CACNG4: variants seen among roughly 807,000 people sequenced by gnomAD.
CACNG4 encodes the protein calcium voltage-gated channel auxiliary subunit gamma 4, also known as voltage-dependent calcium channel gamma-4 subunit.
Under a neutral mutation model 22.9 loss-of-function variants are expected in CACNG4, and 8 were observed. The ratio of observed to expected loss-of-function variants is 0.35; its 90% CI spans 0.21 to 0.63. The LOEUF is 0.63. Ranked by LOEUF, CACNG4 falls within the 30% of genes least tolerant of loss-of-function variation. The pLI, the probability that CACNG4 is intolerant of heterozygous loss-of-function variation, is 0.72. For missense variants in CACNG4, 357 were observed against 455.4 expected (o/e 0.78, Z 1.97); for synonymous variants, 188 against 191.9 (o/e 0.98, Z 0.17).
At position 67,031,429 on chromosome 17, in the gene CACNG4, G is replaced by A. The variant is rs1383622668; in HGVS notation, c.*425G>A. On this transcript the variant is annotated 3_prime_UTR_variant, in exon 4 of 4. Transcript: ENST00000262138. This position sits in a 1 kb window ranked among gnomAD's most constrained non-coding sequence, Gnocchi z 4.0. ...GGGCCACCAGAAGGCTCTGCCGGAC[G>A]CCAAGAAGACGGTCTCTGGGCTCTT... 1 of 461,614 alleles carries A rather than the reference G, an allele frequency of 2.2e-6. No individual in the cohort carries two copies. Among genetic ancestry groups the A allele is most frequent in the African/African-American group, 2.0e-5 (1 of 50,334 alleles). The allele number at this position is 461,614 out of a possible 1,614,324, so 28.6% of individuals were successfully genotyped here. A position where few individuals can be genotyped will look rare whatever the true frequency, so the allele number is the denominator to read the frequency against.
At chr17:66,973,451 A>G (rs1283890323) in intron 1 of CACNG4, among the ~76,000 whole-genome samples, 1 of 152,232 alleles carries the variant, frequency 6.6e-6, no homozygotes, top group Non-Finnish European at 1.5e-5. Context: ...AGCTCAAGAC[A>G]GGTGAGGCAG....
chr17:67,031,962 G>C lies in CACNG4; in HGVS notation c.*958G>C, dbSNP rs755717916. ...TTCTGTGCAAGAAAGGGAGACCTAA[G>C]GGTGAACAGTGGCCAATAAAAACCC... is the stretch of plus-strand genomic sequence containing the variant. On this transcript the variant is annotated 3_prime_UTR_variant, in exon 4 of 4. Transcript: ENST00000262138. The surrounding 1 kb of genome is among the most constrained non-coding windows in gnomAD (Gnocchi z 4.0). 3 of 456,748 alleles carry C rather than the reference G, an allele frequency of 6.6e-6. No individual in the cohort carries two copies. Among genetic ancestry groups the C allele is most frequent in the South Asian group, 4.6e-5 (3 of 64,574 alleles). 28.3% of individuals were successfully genotyped at this position (456,748 alleles called of 1,614,324 possible).
intron 1 of CACNG4, among the ~76,000 whole-genome samples, chr17:66,992,164 G>C (rs867022564): frequency 3.2e-4 from 49 of 152,070 alleles, no homozygotes; most frequent in African/African-American, 6.7e-4. Context: ...AGCTCCTGGG[G>C]GGGGGGGGCT....
At chr17:67,016,568 G>A (rs1261520481) in intron 1 of CACNG4, among the ~76,000 whole-genome samples, 1 of 152,216 alleles carries the variant, frequency 6.6e-6, no homozygotes, top group Non-Finnish European at 1.5e-5. Flanking sequence ...CCCGGACCCT[G>A]CCGCCAGGAC....
intron 1 of CACNG4, 96 bp downstream of exon 1, chr17:66,965,227 C>T (rs1315418865): frequency 2.6e-6 from 2 of 756,324 alleles, no homozygotes; most frequent in African/African-American, 1.9e-5. Flanking sequence ...CACACACACG[C>T]GCACACACTG....
In CACNG4 at chr17:67,030,875, G is replaced by T; in HGVS notation, c.855G>T (p.Lys285Asn). 1.2e-6 allele frequency: 2 copies of T among 1,612,854 alleles called. No individual in the cohort carries two copies. Among genetic ancestry groups the T allele is most frequent in the Non-Finnish European group, 1.7e-6 (2 of 1,180,024 alleles). Residue 285 changes from lysine to asparagine, a missense_variant, in exon 4 of 4, where the codon AAG (lysine) becomes AAT (asparagine). Lys to Asn is a moderately conservative substitution (Grantham distance 94). This residue lies in a region of CACNG4 where 240 missense variants were observed against 277.6 expected (regional missense o/e 0.86). Transcript: ENST00000262138. This position sits in a 1 kb window ranked among gnomAD's most constrained non-coding sequence, Gnocchi z 6.4. ...ACACGCTGTCCAGGGAGCCCCTCAA[G>T]GTGACCACCGCAGCCAGCTACAGCC... The part of the protein sequence containing the change: ...SMYTLSREPL[K>N]VTTAASYSPD...
intron 1 of CACNG4, among the ~76,000 whole-genome samples, chr17:66,969,984 C>T (rs538798906): frequency 1.4e-4 from 21 of 152,276 alleles, no homozygotes; most frequent in African/African-American, 4.6e-4. Flanking sequence ...TTCCCTGACG[C>T]GCTAAGTACC....
rs1567761671 is a variant in CACNG4 at position 67,031,244 on chromosome 17, C to T, written c.*240C>T. The T allele has an allele frequency of 1.5e-6, 1 of 658,568 alleles. No individual in the cohort carries two copies. The highest frequency in any genetic ancestry group is 2.9e-5 in the East Asian group (1 of 34,178). The allele number at this position is 658,568 out of a possible 1,614,324, so 40.8% of individuals were successfully genotyped here. Reference sequence around the variant, plus strand: ...CTCCCCGAAAAAGGGTGTTTTGATGCCTCAGGGTCTCTGAAATCTCCCGGG... The same window carrying T: ...CTCCCCGAAAAAGGGTGTTTTGATGTCTCAGGGTCTCTGAAATCTCCCGGG... On this transcript the variant is annotated 3_prime_UTR_variant, in exon 4 of 4. Transcript: ENST00000262138. This position sits in a 1 kb window ranked among gnomAD's most constrained non-coding sequence, Gnocchi z 4.0.
In CACNG4 at chr17:67,030,612, G is replaced by A. The variant is rs766880996; in HGVS notation, c.592G>A (p.Val198Met). The A allele has an allele frequency of 5.0e-6, 8 of 1,614,240 alleles. No homozygotes were observed. Among genetic ancestry groups the A allele is most frequent in the Non-Finnish European group, 5.9e-6 (7 of 1,180,042 alleles). The change falls in exon 4 of 4, where the codon GTG (valine) becomes ATG (methionine). Residue 198 changes from valine to methionine, a missense_variant. Val to Met is a conservative substitution (Grantham distance 21, BLOSUM62 1). Transcript: ENST00000262138. The surrounding 1 kb of genome is among the most constrained non-coding windows in gnomAD (Gnocchi z 6.4). ...GALSFIVAET[V>M]GVLAVNIYIE... ...TCTGTCTTTCATTGTGGCTGAGACC[G>A]TGGGCGTCCTGGCTGTAAACATTTA...
At position 67,032,225 on chromosome 17, in the gene CACNG4, G is replaced by A. The variant is rs141909519; in HGVS notation, c.*1221G>A. On this transcript the variant is annotated 3_prime_UTR_variant, in exon 4 of 4. Transcript: ENST00000262138. ...TACAGAGGGGAGATCTCAGCACTTTGTCCGGAGCTGAGGAAGTGGTTTCTG... is the reference window on the plus strand; with the variant it reads ...TACAGAGGGGAGATCTCAGCACTTTATCCGGAGCTGAGGAAGTGGTTTCTG... 3 of 347,636 alleles carry A rather than the reference G, an allele frequency of 8.6e-6. No individual in the cohort carries two copies. The highest frequency in any genetic ancestry group is 6.4e-5 in the African/African-American group (3 of 46,742). The allele number at this position is 347,636 out of a possible 1,614,324, so 21.5% of individuals were successfully genotyped here.
intron 2 of CACNG4, 49 bp from the exon 3 acceptor site, chr17:67,024,811 C>G: frequency 6.9e-7 from 1 of 1,452,132 alleles, no homozygotes; most frequent in South Asian, 1.5e-5. Flanking sequence ...CCCGGGAGGG[C>G]ACCTGATCTC....
Position 66,965,065 on chromosome 17 carries a change from C to T in CACNG4, c.154C>T (p.Pro52Ser), listed in dbSNP as rs780342055. ...NGTNLTMDDGPPPRRARGDLT... is the reference protein window; with the variant it reads ...NGTNLTMDDGSPPRRARGDLT... Reference sequence around the variant, plus strand: ...CACCAACCTGACCATGGACGACGGGCCCCCGCCCCGCCGCGCCCGCGGCGA... The same window carrying T: ...CACCAACCTGACCATGGACGACGGGTCCCCGCCCCGCCGCGCCCGCGGCGA... Residue 52 changes from proline to serine, a missense_variant, in exon 1 of 4, where the codon CCC (proline) becomes TCC (serine). Pro to Ser is a moderately conservative substitution (Grantham distance 74). Around this residue, in one of 3 missense-constraint regions of CACNG4, gnomAD observed 114 missense variants for 161.6 expected, o/e 0.71. Coordinates refer to ENST00000262138, the MANE Select transcript of CACNG4 (RefSeq NM_014405.4). 7 of 1,594,090 alleles carry T rather than the reference C, an allele frequency of 4.4e-6. No individual in the cohort carries two copies. In the South Asian group the frequency reaches 7.8e-5, roughly 18 times the overall value.
At chr17:67,000,481 G>C (rs1567754989) in intron 1 of CACNG4, among the ~76,000 whole-genome samples, 1 of 152,162 alleles carries the variant, frequency 6.6e-6, no homozygotes, top group Non-Finnish European at 1.5e-5. Flanking sequence ...GGAAGCTGAG[G>C]CTGAGTGATC....
At chr17:67,008,716 G>A (rs375176661) in intron 1 of CACNG4, among the ~76,000 whole-genome samples, 22 of 152,304 alleles carry the variant, frequency 1.4e-4, no homozygotes, top group African/African-American at 5.3e-4. Flanking sequence ...TTGAGGCCGA[G>A]GTGGGTGGAT....
intron 1 of CACNG4, among the ~76,000 whole-genome samples, chr17:66,990,087 C>T (rs914927164): frequency 2.0e-5 from 3 of 152,198 alleles, no homozygotes; most frequent in African/African-American, 4.8e-5. Context: ...CACACTTAGC[C>T]GCATCCGCTG....
chr17:66,997,491 C>T (rs1210758463), intron 1 of CACNG4, among the ~76,000 whole-genome samples: 11 of 152,036 alleles, frequency 7.2e-5, no homozygotes, highest in Non-Finnish European at 2.9e-5. Flanking sequence ...GGATGGGATG[C>T]CTGAGTCTGA....
At chr17:66,970,020 C>A (rs1385206921) in intron 1 of CACNG4, among the ~76,000 whole-genome samples, 16 of 152,202 alleles carry the variant, frequency 1.1e-4, no homozygotes, top group Admixed American at 1.0e-3. Context: ...CACCCTGGAC[C>A]CCCTTCGCCC....
intron 1 of CACNG4, among the ~76,000 whole-genome samples, chr17:66,976,890 G>A (rs117446081): frequency 6.6e-5 from 10 of 152,204 alleles, no homozygotes; most frequent in Non-Finnish European, 1.0e-4. Context: ...GTGTGGTCTC[G>A]CTTGGACAGC....
intron 1 of CACNG4, among the ~76,000 whole-genome samples, chr17:66,965,876 G>C (rs992951254): frequency 1.3e-5 from 2 of 152,168 alleles, no homozygotes; most frequent in East Asian, 3.9e-4. Context: ...GCGACACCGA[G>C]TCTCCCCCAA....
Sources: allele counts gnomAD v4.1 joint callset (sites outside exome capture counted in the v4.1 genomes callset), GRCh38; gene constraint gnomAD v4.1.1; regional missense constraint gnomAD v4.1.1; non-coding constraint Gnocchi (gnomAD v3.1); transcripts MANE v1.5; gene names NCBI Gene and HGNC (gene_info 2026-07-23, HGNC 2026-07-21).